CAPN7: variants seen among roughly 807,000 people sequenced by gnomAD.
The protein encoded by CAPN7 is calpain-7.
Under a neutral mutation model 115.2 loss-of-function variants are expected in CAPN7, and 72 were observed. The ratio of observed to expected loss-of-function variants is 0.63; its 90% confidence interval spans 0.52 to 0.76. The LOEUF (loss-of-function observed/expected upper bound fraction) is 0.76, where lower values mean the gene tolerates loss of function less well. Ranked by LOEUF, CAPN7 falls within the 30% of genes least tolerant of loss-of-function variation. CAPN7 has a pLI of 0.00. For synonymous variants in CAPN7, 344 were observed against 322.3 expected (o/e 1.07, Z -0.72); for missense variants, 905 against 971.5 (o/e 0.93, Z 0.91).
chr3:15,212,603 C>G (rs111414953), intron 2 of CAPN7, among the ~76,000 whole-genome samples: 90 of 152,290 alleles, frequency 5.9e-4, no homozygotes, highest in African/African-American at 2.0e-3. Flanking sequence ...GCAGTAGGTT[C>G]ACAGTGTCTT....
intron 12 of CAPN7, among the ~76,000 whole-genome samples, chr3:15,236,931 A>G (rs77724428): frequency 0.01 from 1,571 of 152,292 alleles, 19 homozygotes; most frequent in African/African-American, 0.036. Flanking sequence ...GCTGTACACT[A>G]CTGTAGACTT....
intron 11 of CAPN7, 76 bp downstream of exon 11, chr3:15,234,049 G>A (rs1575213781): frequency 1.3e-6 from 1 of 784,038 alleles, no homozygotes; most frequent in East Asian, 2.7e-5. Context: ...GGCGTGGTGG[G>A]TCATGCCTGT....
At position 15,235,070 on chromosome 3, in the gene CAPN7, G is replaced by A; in HGVS notation, c.1332G>A (p.Met444Ile). Residue 444 changes from methionine to isoleucine, a missense_variant, in exon 12 of 21, where the codon ATG becomes ATA. Met to Ile is a conservative substitution (Grantham distance 10, BLOSUM62 1). Transcript: ENST00000253693. ...DVLITASTGM[M>I]TEAEGEKWGL... The stretch of plus-strand genomic sequence containing the variant: ...TCATCACTGCGTCAACTGGAATGAT[G>A]ACAGAAGCTGAAGGAGAGAAGTGGG... 2 of 1,613,674 alleles carry A rather than the reference G, an allele frequency of 1.2e-6. No homozygotes were observed. Among genetic ancestry groups the A allele is most frequent in the East Asian group, 2.2e-5 (1 of 44,862 alleles).
chr3:15,219,497 A>C (rs1202989714), intron 4 of CAPN7, among the ~76,000 whole-genome samples: 1 of 152,146 alleles, frequency 6.6e-6, no homozygotes, highest in East Asian at 1.9e-4. Flanking sequence ...CTTGACATAC[A>C]GTTGTCTTCT....
At chr3:15,214,778 C>G (rs368836802) in intron 2 of CAPN7, among the ~76,000 whole-genome samples, 2 of 152,314 alleles carry the variant, frequency 1.3e-5, no homozygotes, top group East Asian at 3.9e-4. Flanking sequence ...ATTAAAAGAT[C>G]CCTGTTGAGT....
intron 19 of CAPN7, among the ~76,000 whole-genome samples, chr3:15,249,702 CAG>C (rs937005195): frequency 1.2e-4 from 18 of 151,974 alleles, no homozygotes; most frequent in Admixed American, 4.6e-4. Flanking sequence ...TCTGTAAATT[CAG>C]AGTTTGTTTC....
chr3:15,235,013 G>A lies in CAPN7; in HGVS notation c.1287-12G>A, dbSNP rs748133520. On this transcript the variant is annotated splice_polypyrimidine_tract_variant and intron_variant, in intron 11 of 20. Coordinates refer to ENST00000253693, the MANE Select transcript of CAPN7 (RefSeq NM_014296.3). Reference sequence around the variant, plus strand: ...TTTTACTTTAATTAATTGTCTTTGGGGTTCATTCCAGATTTCACAAAGGAG... The same window carrying A: ...TTTTACTTTAATTAATTGTCTTTGGAGTTCATTCCAGATTTCACAAAGGAG... 5 of 1,597,312 alleles carry A rather than the reference G, an allele frequency of 3.1e-6. No individual in the cohort carries two copies. The East Asian group carries it at 8.9e-5, about 29-fold the overall frequency.
chr3:15,225,793 A>G (rs764405760), intron 6 of CAPN7, among the ~76,000 whole-genome samples: 1 of 152,222 alleles, frequency 6.6e-6, no homozygotes. Context: ...TATTTCTTGA[A>G]GTAGTTAAAT....
In CAPN7 at chr3:15,246,734, A is replaced by G. The variant is rs1695687040; in HGVS notation, c.2013A>G (p.Val671=). The G allele has an allele frequency of 1.3e-6, 2 of 1,594,272 alleles. No homozygotes were observed. Among genetic ancestry groups the G allele is most frequent in the Middle Eastern group, 1.7e-4 (1 of 6,026 alleles). The part of the protein sequence containing the change: ...KQNTIHYTVR[V]YSACSFTFSK... ...ATACAGTCTTTTTTTAAATCTAGGT[A>G]TATTCAGCATGCAGCTTTACTTTTT... is the stretch of plus-strand genomic sequence containing the variant. Residue 671 remains valine, a splice_region_variant and synonymous_variant, in exon 18 of 21, where the codon GTA becomes GTG. Transcript: ENST00000253693.
At position 15,240,624 on chromosome 3, in the gene CAPN7, A is replaced by T; in HGVS notation, c.1552+7A>T. On this transcript the variant is annotated splice_region_variant and intron_variant, in intron 13 of 20. Coordinates refer to ENST00000253693, the MANE Select transcript of CAPN7 (RefSeq NM_014296.3). The stretch of plus-strand genomic sequence containing the variant: ...GCTCAGAAAATAGACAACGGTAAAT[A>T]TATCTTTTTAATTTTAATACCATTT... 5.7e-6 allele frequency: 9 copies of T among 1,583,090 alleles called. No homozygotes were observed. Among genetic ancestry groups the T allele is most frequent in the Non-Finnish European group, 7.7e-6 (9 of 1,169,716 alleles).
chr3:15,222,018 C>T (rs1694027865), intron 5 of CAPN7, among the ~76,000 whole-genome samples: 1 of 143,836 alleles, frequency 7.0e-6, no homozygotes, highest in South Asian at 2.1e-4. Flanking sequence ...ATATAGTATA[C>T]GTATACGTAT....
rs1696055927 is a variant in CAPN7, at chr3:15,252,745, A to G, written c.*1485A>G. The G allele has an allele frequency of 1.3e-5, 2 of 151,902 alleles. No individual in the cohort carries two copies. Among genetic ancestry groups the G allele is most frequent in the South Asian group, 4.1e-4 (2 of 4,834 alleles). 9.4% of individuals were successfully genotyped at this position (151,902 alleles called of 1,614,324 possible). ...CAGTGTATGAATAAGGGAAAGATTAATTTTGGCTGGACCAATATAAAAAAT... is the reference window on the plus strand; with the variant it reads ...CAGTGTATGAATAAGGGAAAGATTAGTTTTGGCTGGACCAATATAAAAAAT... On this transcript the variant is annotated 3_prime_UTR_variant, in exon 21 of 21. Transcript: ENST00000253693.
At chr3:15,220,613 A>G (rs145865906) in intron 4 of CAPN7, among the ~76,000 whole-genome samples, 168 bp from the exon 5 acceptor site, 11 of 152,366 alleles carry the variant, frequency 7.2e-5, no homozygotes, top group Non-Finnish European at 7.3e-5. Context: ...AAAGATGCTT[A>G]TCTTTGGAAG....
At position 15,217,402 on chromosome 3, in the gene CAPN7, G is replaced by T. The variant is rs202182722; in HGVS notation, c.212-23G>T. 2,526 of 1,567,542 alleles carry T rather than the reference G, an allele frequency of 1.6e-3. 24 individuals carry two copies. In the African/African-American group the frequency reaches 0.027, roughly 17 times the overall value. On this transcript the variant is annotated intron_variant, in intron 2 of 20. Coordinates refer to ENST00000253693, the MANE Select transcript of CAPN7 (RefSeq NM_014296.3). Reference sequence around the variant, plus strand: ...GCTGTATTTAGATAATACTCCTTCTGCGTATTTTTTTTTCTATCCTAGTTC... The same window carrying T: ...GCTGTATTTAGATAATACTCCTTCTTCGTATTTTTTTTTCTATCCTAGTTC...
intron 3 of CAPN7, 149 bp from the exon 4 acceptor site, chr3:15,218,324 C>G: frequency 3.2e-6 from 2 of 624,958 alleles, no homozygotes; most frequent in Non-Finnish European, 5.6e-6. Context: ...TTAAATGATA[C>G]CTTTAAGGAT....
At chr3:15,244,623 G>A (rs888118904) in intron 16 of CAPN7, among the ~76,000 whole-genome samples, 13 of 152,130 alleles carry the variant, frequency 8.5e-5, no homozygotes, top group Admixed American at 2.6e-4. Context: ...AATATTCAGC[G>A]TTCCTAAATA....
rs1400103229 is a variant in CAPN7 at position 15,252,607 on chromosome 3, T to C, written c.*1347T>C. ...TGAACCTGTTGTGGTAAAGATCTTG[T>C]ACAGGATGCAAACTAAAAACCTAAT... On this transcript the variant is annotated 3_prime_UTR_variant, in exon 21 of 21. Coordinates refer to ENST00000253693, the MANE Select transcript of CAPN7 (RefSeq NM_014296.3). 6.6e-6 allele frequency: 1 copy of C among 152,174 alleles called. No individual in the cohort carries two copies. Among genetic ancestry groups the C allele is most frequent in the East Asian group, 1.9e-4 (1 of 5,202 alleles). The allele number at this position is 152,174 out of a possible 1,614,324, so 9.4% of individuals were successfully genotyped here.
chr3:15,243,125 A>G (rs1420141731), intron 16 of CAPN7, among the ~76,000 whole-genome samples: 2 of 152,248 alleles, frequency 1.3e-5, no homozygotes, highest in Non-Finnish European at 2.9e-5. Flanking sequence ...AGTCATGCAA[A>G]GAAATCAAGG....
In CAPN7 at chr3:15,250,926, G is replaced by A; in HGVS notation, c.2205-5G>A. 2 of 1,581,782 alleles carry A rather than the reference G, an allele frequency of 1.3e-6. No individual in the cohort carries two copies. The highest frequency in any genetic ancestry group is 1.7e-6 in the Non-Finnish European group (2 of 1,152,544). On this transcript the variant is annotated splice_polypyrimidine_tract_variant and splice_region_variant and intron_variant, in intron 19 of 20. Coordinates refer to ENST00000253693, the MANE Select transcript of CAPN7 (RefSeq NM_014296.3). ...TACAGTAATTCTGTTCATTTTAAAT[G>A]CTAGGCAATATAGCGTTGGATTTGA...
Sources: allele counts gnomAD v4.1 joint callset (sites outside exome capture counted in the v4.1 genomes callset), GRCh38; gene constraint gnomAD v4.1.1; transcripts MANE v1.5; gene names NCBI Gene and HGNC (gene_info 2026-07-23, HGNC 2026-07-21).